The following SPNS3 variants were observed in gnomAD, a reference collection of about 807,000 sequenced individuals.
SPNS3 encodes the protein protein spinster homolog 3.
A neutral mutation model predicts 54.4 loss-of-function variants in SPNS3; 51 were observed. That is an observed-to-expected ratio of 0.94 (90% CI 0.75 to 1.18). The LOEUF is 1.18. Ranked by LOEUF, SPNS3 falls within the 50% of genes most tolerant of loss-of-function variation. The pLI is 0.00. For synonymous variants in SPNS3, 309 were observed against 294.7 expected, an observed-to-expected ratio of 1.05 and a Z score of -0.50; for missense variants, 669 against 677.4, an observed-to-expected ratio of 0.99 and a Z score of 0.14.
intron 1 of SPNS3, among the ~76,000 whole-genome samples, chr17:4,437,802 T>C (rs894555872): frequency 1.6e-5 from 2 of 124,380 alleles, no homozygotes; most frequent in Admixed American, 1.6e-4. Context: ...TTTTTTTTTT[T>C]TGGAGACGGA....
Position 4,449,630 on chromosome 17 carries a change from T to C in SPNS3, c.923+243T>C, listed in dbSNP as rs1278676787. Reference sequence around the variant, plus strand: ...CTCTCTGGGCTGAATTCCCCATATCTCCACTCTTGGGGCTGCTGTGGGCTC... The same window carrying C: ...CTCTCTGGGCTGAATTCCCCATATCCCCACTCTTGGGGCTGCTGTGGGCTC... On this transcript the variant is annotated intron_variant, in intron 7 of 11. Transcript: ENST00000355530. 6.6e-5 allele frequency among the ~76,000 whole-genome samples: 10 copies of C among 152,084 alleles called. No homozygotes were observed. The East Asian group carries it at 1.9e-3, about 30-fold the overall frequency.
In SPNS3 at chr17:4,486,550, AGAGAC is replaced by A. The variant is rs747313115; in HGVS notation, c.1423_1427del (p.Glu475ProfsTer14). The A allele has an allele frequency of 1.2e-6, 2 of 1,612,838 alleles. No individual in the cohort carries two copies. Among genetic ancestry groups the A allele is most frequent in the South Asian group, 2.2e-5 (2 of 91,022 alleles). ...CCTGCTGACTGCGCTGTACCTGGAG[AGAGAC>A]GAGACCCGGGCCTGGCAGCCTGTCA... On this transcript the variant is annotated frameshift_variant, in exon 11 of 12. Transcript: ENST00000355530. LOFTEE classifies it low-confidence loss of function (END_TRUNC). The surrounding 1 kb of genome is among the most constrained non-coding windows in gnomAD (Gnocchi z 5.5).
intron 8 of SPNS3, among the ~76,000 whole-genome samples, chr17:4,465,993 G>A (rs969159137): frequency 2.6e-5 from 4 of 152,176 alleles, no homozygotes; most frequent in Admixed American, 1.3e-4. Flanking sequence ...ACCCGGACTC[G>A]AGTGCTCACC....
At position 4,439,778 on chromosome 17, in the gene SPNS3, C is replaced by T. The variant is rs914686178; in HGVS notation, c.265+55C>T. The T allele has an allele frequency of 5.3e-6, 8 of 1,517,778 alleles. No individual in the cohort carries two copies. In the African/African-American group the frequency reaches 9.6e-5, roughly 18 times the overall value. The allele number at this position is 1,517,778 out of a possible 1,614,324, so 94.0% of individuals were successfully genotyped here. A position where few individuals can be genotyped will look rare whatever the true frequency, so the allele number is the denominator to read the frequency against. On this transcript the variant is annotated intron_variant, in intron 2 of 11. Transcript: ENST00000355530. ...GGCCCTGGGTTCATGCTGGGGTGGG[C>T]TCTTTCTGTGGGTCATGTTCTGTGC...
intron 1 of SPNS3, among the ~76,000 whole-genome samples, chr17:4,438,940 C>CTGTGTGTG (rs35255085): frequency 1.3e-5 from 2 of 149,390 alleles, no homozygotes; most frequent in African/African-American, 4.9e-5. Flanking sequence ...GAGTGAGTTC[C>CTGTGTGTG]TGTGTGTGTG....
At chr17:4,468,721 T>TTTTCTTTTCTTTCTTTCTTTC (rs1555531860) in intron 8 of SPNS3, among the ~76,000 whole-genome samples, 5 of 121,372 alleles carry the variant, frequency 4.1e-5, no homozygotes, top group African/African-American at 1.6e-4. Flanking sequence ...TCTCTCTTTC[T>TTTTCTTTTCTTTCTTTCTTTC]TTTCTTTCTT....
In SPNS3 at chr17:4,469,186, G is replaced by A. The variant is rs57463827; in HGVS notation, c.1114-9386G>A. ...CGCATCCTGGACCTTCTGGGCTCAA[G>A]TGGATCCTCCCACCTCAGCCTTCTG... On this transcript the variant is annotated intron_variant, in intron 8 of 11. Coordinates refer to ENST00000355530, the MANE Select transcript of SPNS3 (RefSeq NM_182538.5). Among the ~76,000 whole-genome samples the A allele has an allele frequency of 7.1e-3, 1,088 of 152,216 alleles. 12 individuals are homozygous for A. The highest frequency in any genetic ancestry group is 0.025 in the African/African-American group (1,041 of 41,512).
chr17:4,475,533 G>A (rs1185254995), intron 8 of SPNS3, among the ~76,000 whole-genome samples: 1 of 152,238 alleles, frequency 6.6e-6, no homozygotes, highest in African/African-American at 2.4e-5. Context: ...CGTCTGGCCT[G>A]GGTGATGGGG....
chr17:4,441,740 G>A (rs2144001894), intron 2 of SPNS3, among the ~76,000 whole-genome samples: 1 of 150,226 alleles, frequency 6.7e-6, no homozygotes, highest in South Asian at 2.1e-4. Context: ...GGAATTACAG[G>A]CACCTGCCAT....
At chr17:4,437,080 G>A (rs1970734998) in intron 1 of SPNS3, among the ~76,000 whole-genome samples, 1 of 152,218 alleles carries the variant, frequency 6.6e-6, no homozygotes, top group South Asian at 2.1e-4. Context: ...TGGGGATAGA[G>A]ACCTGGAGAA....
intron 8 of SPNS3, among the ~76,000 whole-genome samples, chr17:4,472,711 G>A (rs550558273): frequency 6.6e-6 from 1 of 151,424 alleles, no homozygotes; most frequent in Admixed American, 6.6e-5. Context: ...TGGCTTTGGG[G>A]AGGGGAAGCC....
chr17:4,468,773 T>TTTCTTTCTTTCTC lies in SPNS3; in HGVS notation c.1114-9798_1114-9797insTCTTTCTTTCTCT, dbSNP rs1555531917. On this transcript the variant is annotated intron_variant, in intron 8 of 11. Coordinates refer to ENST00000355530, the MANE Select transcript of SPNS3 (RefSeq NM_182538.5). ...TCTTTCTTTCTTTCTCTCTTTCTTTTTCTTTCTTTCTCTCTCTCTTTCTTT... is the reference window on the plus strand; with the variant it reads ...TCTTTCTTTCTTTCTCTCTTTCTTTTTTCTTTCTTTCTCTCTTTCTTTCTCTCTCTCTTTCTTT... 5.3e-3 allele frequency among the ~76,000 whole-genome samples: 548 copies of TTTCTTTCTTTCTC among 103,276 alleles called. 4 individuals are homozygous for TTTCTTTCTTTCTC. The highest frequency in any genetic ancestry group is 0.017 in the African/African-American group (495 of 28,464). The allele number at this position is 103,276 out of a possible 152,430, so 67.8% of individuals were successfully genotyped here.
At position 4,434,117 on chromosome 17, in the gene SPNS3, C is replaced by A. The variant is rs3809853; in HGVS notation, c.150C>A (p.Val50=). 3.2e-5 allele frequency: 51 copies of A among 1,611,870 alleles called. No homozygotes were observed. Among genetic ancestry groups the A allele is most frequent in the Non-Finnish European group, 4.2e-5 (50 of 1,179,130 alleles). ...PPWRAYVAAA[V]LCYINLLNYM... The stretch of plus-strand genomic sequence containing the variant: ...GGAGGGCCTACGTGGCTGCCGCCGT[C>A]CTCTGCTACATCAACCTCCTGAATT... The change falls in exon 1 of 12, where the codon GTC becomes GTA. Residue 50 remains valine, a synonymous_variant. Transcript: ENST00000355530.
At chr17:4,435,343 A>G (rs112997582) in intron 1 of SPNS3, among the ~76,000 whole-genome samples, 8,947 of 149,906 alleles carry the variant, frequency 0.06, 742 homozygotes, top group African/African-American at 0.19. Context: ...AATTGCTTGA[A>G]CCTGGGAGGT....
chr17:4,473,163 G>C (rs545585330), intron 8 of SPNS3, among the ~76,000 whole-genome samples: 1 of 152,020 alleles, frequency 6.6e-6, no homozygotes, highest in Admixed American at 6.6e-5. Flanking sequence ...CTGGCTTACT[G>C]TTTTTTGCTT....
intron 2 of SPNS3, 111 bp from the exon 3 acceptor site, chr17:4,444,921 C>A: frequency 7.5e-7 from 1 of 1,333,448 alleles, no homozygotes; most frequent in Non-Finnish European, 1.0e-6. Context: ...GGCCCACTGC[C>A]AAGATGCCAG....
intron 9 of SPNS3, chr17:4,485,994 G>A (rs949417914): frequency 8.9e-6 from 4 of 451,426 alleles, no homozygotes; most frequent in African/African-American, 2.0e-5. Flanking sequence ...CAAGAGGGGT[G>A]GCCCTGATCA....
intron 8 of SPNS3, among the ~76,000 whole-genome samples, chr17:4,471,319 T>A (rs183620674): frequency 2.8e-4 from 43 of 152,340 alleles, no homozygotes; most frequent in Admixed American, 1.1e-3. Context: ...TTACACAGAT[T>A]CTTTATTCCT....
At position 4,434,047 on chromosome 17, in the gene SPNS3, A is replaced by C. The variant is rs1310754303; in HGVS notation, c.80A>C (p.Gln27Pro). 1 of 1,609,468 alleles carries C rather than the reference A, an allele frequency of 6.2e-7. No homozygotes were observed. The highest frequency in any genetic ancestry group is 1.1e-5 in the South Asian group (1 of 90,508). Residue 27 changes from glutamine to proline, a missense_variant, in exon 1 of 12, where the codon CAG (glutamine) becomes CCG (proline). By Grantham distance (76) the Gln-to-Pro change is moderately conservative. Coordinates refer to ENST00000355530, the MANE Select transcript of SPNS3 (RefSeq NM_182538.5). ...GGCCAGTCCCCAGGGCCAGGCAGGCAGTGTCCCCCTCCCATCACGCCCACC... is the reference window on the plus strand; with the variant it reads ...GGCCAGTCCCCAGGGCCAGGCAGGCCGTGTCCCCCTCCCATCACGCCCACC... ...LQGQSPGPGR[Q>P]CPPPITPTSW...
Sources: gnomAD v4.1 joint callset for allele counts (sites outside exome capture counted in the v4.1 genomes callset) on GRCh38, gnomAD v4.1.1 for gene constraint, Gnocchi (gnomAD v3.1) non-coding constraint, MANE v1.5 for transcripts, NCBI Gene and HGNC (gene_info 2026-07-23, HGNC 2026-07-21) for gene names.